Variants in PPP2R2C observed in about 807,000 individuals in gnomAD.
PPP2R2C encodes the protein protein phosphatase 2 regulatory subunit Bgamma.
In PPP2R2C, 10 loss-of-function variants were observed where a neutral mutation model predicts 45.3. That is an observed-to-expected ratio of 0.22 (90% confidence interval 0.14 to 0.37). The LOEUF is 0.37. PPP2R2C is among the 10% of genes least tolerant of loss of function. The pLI is 1.00. For synonymous variants in PPP2R2C, 257 were observed against 245.4 expected (o/e 1.05, Z -0.44); for missense variants, 308 against 619.7 (o/e 0.50, Z 5.34).
chr4:6,498,437 A>T (rs1214817556), intron 2 of PPP2R2C, among the ~76,000 whole-genome samples: 1 of 152,252 alleles, frequency 6.6e-6, no homozygotes, highest in South Asian at 2.1e-4. Flanking sequence ...ACCATGCTCC[A>T]CAACCTACAC....
chr4:6,320,699 TAC>T lies in PPP2R2C; in HGVS notation c.*2601_*2602del, dbSNP rs2109138348. The T allele has an allele frequency of 1.3e-5, 2 of 152,606 alleles. No individual in the cohort carries two copies. The highest frequency in any genetic ancestry group is 4.8e-5 in the African/African-American group (2 of 41,566). 9.5% of individuals were successfully genotyped at this position (152,606 alleles called of 1,614,324 possible). On this transcript the variant is annotated 3_prime_UTR_variant, in exon 9 of 9. Coordinates refer to ENST00000382599, the MANE Select transcript of PPP2R2C (RefSeq NM_020416.4). Reference sequence around the variant, plus strand: ...AGAAAAAAAGAATGCACCTATGAGTTACAGAGTCCAAACTGATCAGGGCTGAC... The same window carrying T: ...AGAAAAAAAGAATGCACCTATGAGTTAGAGTCCAAACTGATCAGGGCTGAC...
intron 2 of PPP2R2C, among the ~76,000 whole-genome samples, chr4:6,490,856 T>G (rs1360205778): frequency 6.6e-6 from 1 of 152,200 alleles, no homozygotes; most frequent in African/African-American, 2.4e-5. Context: ...CCACACACCC[T>G]GTGGGTAGGG....
At chr4:6,346,604 G>A (rs747065979) in intron 6 of PPP2R2C, among the ~76,000 whole-genome samples, 8 of 152,228 alleles carry the variant, frequency 5.3e-5, no homozygotes, top group Admixed American at 1.3e-4. Context: ...CTGAATGCCT[G>A]GATGGCTGAG....
intron 7 of PPP2R2C, among the ~76,000 whole-genome samples, chr4:6,333,207 A>T (rs1732554590): frequency 6.6e-6 from 1 of 152,122 alleles, no homozygotes; most frequent in South Asian, 2.1e-4. Flanking sequence ...TACAGCTCCG[A>T]TGCAGGCTCC....
rs1378313573 is a variant in PPP2R2C at position 6,320,655 on chromosome 4, G to T, written c.*2647C>A. On this transcript the variant is annotated 3_prime_UTR_variant, in exon 9 of 9. Transcript: ENST00000382599. ...ATTTATAGTTTTATTCAACAATTGG[G>T]TAATTTGTGAGACACCAAAGAAAAA... 6.6e-6 allele frequency: 1 copy of T among 152,448 alleles called. No homozygotes were observed. The highest frequency in any genetic ancestry group is 1.5e-5 in the Non-Finnish European group (1 of 68,036). 9.4% of individuals were successfully genotyped at this position (152,448 alleles called of 1,614,324 possible).
At chr4:6,512,170 A>G (rs1221099731) in intron 2 of PPP2R2C, among the ~76,000 whole-genome samples, 25 of 21,688 alleles carry the variant, frequency 1.2e-3, no homozygotes, top group South Asian at 2.2e-3. Context: ...GATGGTGGTG[A>G]TGGTGCTGAT....
chr4:6,381,186 G>C, intron 1 of PPP2R2C, 92 bp from the exon 2 acceptor site: 1 of 1,546,696 alleles, frequency 6.5e-7, no homozygotes, highest in Non-Finnish European at 8.7e-7. Context: ...CGAGCTCCCC[G>C]CTCCCCGAGG....
rs866294508 is a variant in PPP2R2C at position 6,410,055 on chromosome 4, C to T, written c.71-28961G>A. Among the ~76,000 whole-genome samples the T allele has an allele frequency of 2.0e-5, 3 of 152,282 alleles. No individual in the cohort carries two copies. In the Middle Eastern group the frequency reaches 0.01, roughly 518 times the overall value. On this transcript the variant is annotated intron_variant, in intron 1 of 8. Coordinates refer to ENST00000382599, the MANE Select transcript of PPP2R2C (RefSeq NM_020416.4). ...GCCTTTACTTAAGCAGAGGGGGCTC[C>T]AGCTCCACACCACTGGGCAAGCTGG...
chr4:6,345,517 C>T lies in PPP2R2C; in HGVS notation c.790+2329G>A, dbSNP rs910747394. 6.6e-6 allele frequency among the ~76,000 whole-genome samples: 1 copy of T among 152,160 alleles called. No homozygotes were observed. Among genetic ancestry groups the T allele is most frequent in the Admixed American group, 6.5e-5 (1 of 15,292 alleles). On this transcript the variant is annotated intron_variant, in intron 6 of 8. Coordinates refer to ENST00000382599, the MANE Select transcript of PPP2R2C (RefSeq NM_020416.4). The surrounding 1 kb of genome is among the most constrained non-coding windows in gnomAD (Gnocchi z 5.3). Reference sequence around the variant, plus strand: ...GGCAGGAACAAGGCGATCACAAGGGCCTTTATACGCGAAAGACAGACAGGA... The same window carrying T: ...GGCAGGAACAAGGCGATCACAAGGGTCTTTATACGCGAAAGACAGACAGGA...
chr4:6,482,459 A>C (rs1487669279), intron 2 of PPP2R2C, among the ~76,000 whole-genome samples: 1 of 152,166 alleles, frequency 6.6e-6, no homozygotes, highest in Non-Finnish European at 1.5e-5. Context: ...GGGCTGGTAC[A>C]TCTTTTGTTA....
At chr4:6,445,787 C>T (rs984888702) in intron 1 of PPP2R2C, among the ~76,000 whole-genome samples, 1 of 152,036 alleles carries the variant, frequency 6.6e-6, no homozygotes, top group African/African-American at 2.4e-5. Flanking sequence ...CCAAGAGGTG[C>T]TTTCTAAGCA....
At chr4:6,522,841 A>G (rs576047137) in intron 2 of PPP2R2C, among the ~76,000 whole-genome samples, 10 of 152,188 alleles carry the variant, frequency 6.6e-5, no homozygotes, top group South Asian at 4.1e-4. Context: ...GAGACAGACA[A>G]ACAGACAGAC....
intron 2 of PPP2R2C, among the ~76,000 whole-genome samples, chr4:6,493,130 C>G (rs769657693): frequency 5.9e-5 from 9 of 152,158 alleles, no homozygotes; most frequent in Non-Finnish European, 1.3e-4. Context: ...TTGCACAAGA[C>G]TTGACTCAAA....
At chr4:6,536,254 A>G (rs1469062355) in intron 1 of PPP2R2C, among the ~76,000 whole-genome samples, 1 of 152,234 alleles carries the variant, frequency 6.6e-6, no homozygotes, top group Admixed American at 6.5e-5. Flanking sequence ...ACTTCAAAGA[A>G]GGTAAGATGT....
intron 4 of PPP2R2C, 112 bp from the exon 5 acceptor site, chr4:6,372,812 C>A (rs1029196102): frequency 9.3e-7 from 1 of 1,073,758 alleles, no homozygotes; most frequent in African/African-American, 1.6e-5. Context: ...GGGTGGGCGT[C>A]CATCCTGATC....
At chr4:6,333,528 C>G (rs1305419556) in intron 7 of PPP2R2C, 34 bp downstream of exon 7, 2 of 1,601,834 alleles carry the variant, frequency 1.2e-6, no homozygotes, top group East Asian at 4.5e-5. Flanking sequence ...GGAAAAAAGA[C>G]CCGGGATTGG....
intron 6 of PPP2R2C, among the ~76,000 whole-genome samples, chr4:6,336,130 C>CTATCA (rs1194626880): frequency 6.6e-6 from 1 of 152,096 alleles, no homozygotes; most frequent in African/African-American, 2.4e-5. Flanking sequence ...AATTAGAATG[C>CTATCA]TATCAGGCTG....
chr4:6,489,570 T>C (rs556962335), intron 2 of PPP2R2C, among the ~76,000 whole-genome samples: 54 of 152,350 alleles, frequency 3.5e-4, no homozygotes, highest in Non-Finnish European at 7.1e-4. Flanking sequence ...TTTTGACAAT[T>C]TTCTTTGAAA....
Position 6,332,491 on chromosome 4 carries a change from G to A in PPP2R2C, c.960+1071C>T, listed in dbSNP as rs1732486797. Among the ~76,000 whole-genome samples the A allele has an allele frequency of 6.6e-6, 1 of 152,274 alleles. No individual in the cohort carries two copies. The highest frequency in any genetic ancestry group is 2.1e-4 in the South Asian group (1 of 4,826). ...CAGGAGCGTGAGCTGTTCCTCTGGG[G>A]CCCAGGTCAGATCAGAGCAGCCCAC... is the stretch of plus-strand genomic sequence containing the variant. On this transcript the variant is annotated intron_variant, in intron 7 of 8. Coordinates refer to ENST00000382599, the MANE Select transcript of PPP2R2C (RefSeq NM_020416.4). The surrounding 1 kb of genome is among the most constrained non-coding windows in gnomAD (Gnocchi z 4.9).
Sources: allele counts gnomAD v4.1 joint callset (sites outside exome capture counted in the v4.1 genomes callset), GRCh38; gene constraint gnomAD v4.1.1; non-coding constraint Gnocchi (gnomAD v3.1); transcripts MANE v1.5; gene names NCBI Gene and HGNC (gene_info 2026-07-23, HGNC 2026-07-21).